Variants in ARID5B observed in about 807,000 individuals in gnomAD.
The protein encoded by ARID5B is AT-rich interactive domain-containing protein 5B.
ARID5B carries 13 observed loss-of-function variants against 97.2 expected under a neutral mutation model. That is an observed-to-expected ratio of 0.13 (90% CI 0.09 to 0.21). The LOEUF (loss-of-function observed/expected upper bound fraction) is 0.21. ARID5B is among the 10% of genes least tolerant of loss of function. The pLI is 1.00. For synonymous variants in ARID5B, 556 were observed against 570.3 expected (o/e 0.97, Z 0.36); for missense variants, 1,210 against 1,465.3 (o/e 0.83, Z 2.84).
chr10:62,028,943 C>T (rs182529151), intron 4 of ARID5B, among the ~76,000 whole-genome samples: 319 of 131,626 alleles, frequency 2.4e-3, no homozygotes, highest in African/African-American at 8.8e-3. Context: ...GGCAACAGAG[C>T]AAGACTCTGT....
chr10:61,965,597 A>C (rs1838533630), intron 3 of ARID5B, among the ~76,000 whole-genome samples: 1 of 152,184 alleles, frequency 6.6e-6, no homozygotes, highest in African/African-American at 2.4e-5. Context: ...GTTTTTGTGC[A>C]TATACGTCAA....
chr10:61,905,323 G>A (rs1478087855), intron 2 of ARID5B, among the ~76,000 whole-genome samples: 9 of 152,082 alleles, frequency 5.9e-5, no homozygotes, highest in African/African-American at 2.2e-4. Flanking sequence ...TGGTTTAAGA[G>A]AATCATTCTG....
In ARID5B at chr10:62,050,949, C is replaced by T; in HGVS notation, c.795C>T (p.Phe265=). The change falls in exon 5 of 10, where the codon TTC becomes TTT. Residue 265 remains phenylalanine, a synonymous_variant. Coordinates refer to ENST00000279873, the MANE Select transcript of ARID5B (RefSeq NM_032199.3). ...CATGCCCACAAAGAAGAGATTCATT[C>T]AGTGGTGTTAAGGATTCCAACAACA... ...KKPCPQRRDS[F]SGVKDSNNNS... is the part of the protein sequence containing the mutation. 6.2e-7 allele frequency: 1 copy of T among 1,614,188 alleles called. No individual in the cohort carries two copies. Among genetic ancestry groups the T allele is most frequent in the Non-Finnish European group, 8.5e-7 (1 of 1,180,010 alleles).
chr10:61,926,048 G>A (rs905285233), intron 2 of ARID5B, among the ~76,000 whole-genome samples: 1 of 152,124 alleles, frequency 6.6e-6, no homozygotes, highest in Non-Finnish European at 1.5e-5. Flanking sequence ...ACACTAAAGA[G>A]CCTCCGTGGC....
intron 2 of ARID5B, among the ~76,000 whole-genome samples, chr10:61,917,987 G>A (rs914767148): frequency 3.9e-5 from 6 of 152,126 alleles, no homozygotes; most frequent in African/African-American, 1.2e-4. Context: ...GGATGGATGA[G>A]GGTAAGAGAT....
intron 4 of ARID5B, among the ~76,000 whole-genome samples, chr10:62,012,746 A>G (rs1258591284): frequency 6.6e-6 from 1 of 152,186 alleles, no homozygotes; most frequent in Non-Finnish European, 1.5e-5. Flanking sequence ...CATTTTATTT[A>G]TGCAATTTCA....
At chr10:61,925,967 G>A (rs868341405) in intron 2 of ARID5B, among the ~76,000 whole-genome samples, 1 of 152,142 alleles carries the variant, frequency 6.6e-6, no homozygotes, top group Non-Finnish European at 1.5e-5. Flanking sequence ...AGCCACAGGC[G>A]TCAAAGATCT....
chr10:61,902,301 C>T lies in ARID5B; in HGVS notation c.164C>T (p.Ala55Val). 1 of 1,614,078 alleles carries T rather than the reference C, an allele frequency of 6.2e-7. No individual in the cohort carries two copies. Among genetic ancestry groups the T allele is most frequent in the Non-Finnish European group, 8.5e-7 (1 of 1,180,034 alleles). ...RCTPKDPICI[A>V]ELQLLWEERT... is the part of the protein sequence containing the mutation. ...ACGCCAAAGGATCCGATTTGCATAG[C>T]GGAGCTCCAGCTGTTGTGGGAAGAG... is the stretch of plus-strand genomic sequence containing the variant. The change falls in exon 2 of 10, where the codon GCG becomes GTG. Residue 55 changes from alanine (A) to valine (V), a missense_variant. Around this residue, in one of 8 missense-constraint regions of ARID5B, gnomAD observed 80 missense variants for 133.2 expected, o/e 0.60. Coordinates refer to ENST00000279873, the MANE Select transcript of ARID5B (RefSeq NM_032199.3).
intron 2 of ARID5B, among the ~76,000 whole-genome samples, chr10:61,909,235 C>A (rs1764003140): frequency 6.6e-6 from 1 of 152,018 alleles, no homozygotes; most frequent in African/African-American, 2.4e-5. Context: ...TATGCTCCCC[C>A]CACCATAGTG....
intron 7 of ARID5B, 141 bp downstream of exon 7, chr10:62,059,436 C>A: frequency 1.6e-6 from 1 of 636,126 alleles, no homozygotes; most frequent in South Asian, 2.4e-5. Context: ...GTTTATTGGG[C>A]CGCTTTGGAA....
At chr10:61,994,381 T>C (rs906433305) in intron 3 of ARID5B, among the ~76,000 whole-genome samples, 4 of 152,206 alleles carry the variant, frequency 2.6e-5, no homozygotes, top group African/African-American at 9.6e-5. Context: ...GTTACATTTC[T>C]AAATTGTTGT....
intron 9 of ARID5B, among the ~76,000 whole-genome samples, chr10:62,087,797 T>A (rs988729406): frequency 5.3e-5 from 8 of 152,082 alleles, no homozygotes; most frequent in Non-Finnish European, 7.4e-5. Flanking sequence ...GGGTTTTTTG[T>A]TTTTATTAGG....
chr10:62,059,196 G>C (rs554330965), intron 6 of ARID5B, 47 bp from the exon 7 acceptor site: 11 of 1,401,224 alleles, frequency 7.9e-6, no homozygotes, highest in African/African-American at 1.5e-5. Flanking sequence ...TTTCTTGGAA[G>C]TATGTTAATG....
In ARID5B at chr10:62,031,676, C is replaced by A. The variant is rs116259626; in HGVS notation, c.734-19212C>A. ...GGTGCCCAGAGTTGTCAGCAAAGAC[C>A]CTAGCAGAAGAAGGGCAGTTGAAGC... is the stretch of plus-strand genomic sequence containing the variant. On this transcript the variant is annotated intron_variant, in intron 4 of 9. Coordinates refer to ENST00000279873, the MANE Select transcript of ARID5B (RefSeq NM_032199.3). Among the ~76,000 whole-genome samples, 479 of 152,070 alleles carry A rather than the reference C, an allele frequency of 3.1e-3. 3 individuals carry two copies. The highest frequency in any genetic ancestry group is 0.011 in the African/African-American group (457 of 41,474).
In ARID5B at chr10:61,916,396, CACAGAGCTTAAA is replaced by C. The variant is rs143187322; in HGVS notation, c.276+13987_276+13998del. Among the ~76,000 whole-genome samples, 1,473 of 152,260 alleles carry C rather than the reference CACAGAGCTTAAA, an allele frequency of 9.7e-3. 21 individuals are homozygous for C. Among genetic ancestry groups the C allele is most frequent in the African/African-American group, 0.033 (1,368 of 41,554 alleles). On this transcript the variant is annotated intron_variant, in intron 2 of 9. Coordinates refer to ENST00000279873, the MANE Select transcript of ARID5B (RefSeq NM_032199.3). ...TGGTTGCAGCAGAGACTATATACCA[CACAGAGCTTAAA>C]ACATTTACTATCTGGCCCTTATATA...
At chr10:62,024,333 T>C (rs902366629) in intron 4 of ARID5B, among the ~76,000 whole-genome samples, 6 of 152,368 alleles carry the variant, frequency 3.9e-5, no homozygotes, top group African/African-American at 9.6e-5. Flanking sequence ...TTTTGACTAA[T>C]ACAACACCTG....
intron 5 of ARID5B, among the ~76,000 whole-genome samples, chr10:62,056,388 T>C (rs1589277364): frequency 6.6e-6 from 1 of 152,140 alleles, no homozygotes; most frequent in Admixed American, 6.5e-5. Flanking sequence ...AGATCTTTTG[T>C]TTCCTACTGA....
At chr10:62,090,228 C>T (rs1471645642) in intron 9 of ARID5B, among the ~76,000 whole-genome samples, 3 of 152,186 alleles carry the variant, frequency 2.0e-5, no homozygotes, top group African/African-American at 7.2e-5. Context: ...TCCTCTGTCC[C>T]TCTGGTAGAC....
chr10:62,081,470 T>C (rs16916981), intron 8 of ARID5B, among the ~76,000 whole-genome samples: 104 of 152,346 alleles, frequency 6.8e-4, no homozygotes, highest in African/African-American at 2.4e-3. Flanking sequence ...TGGTTACTGG[T>C]TCAGATGAGA....
Sources: allele counts gnomAD v4.1 joint callset (sites outside exome capture counted in the v4.1 genomes callset), GRCh38; gene constraint gnomAD v4.1.1; regional missense constraint gnomAD v4.1.1; transcripts MANE v1.5; gene names NCBI Gene and HGNC (gene_info 2026-07-23, HGNC 2026-07-21).